Variants in AGBL4 observed in about 807,000 individuals in gnomAD.
AGBL4 encodes cytosolic carboxypeptidase 6.
Under a neutral mutation model 66.4 loss-of-function variants are expected in AGBL4, and 58 were observed. The ratio of observed to expected loss-of-function variants is 0.87; its 90% CI spans 0.71 to 1.09. The LOEUF (loss-of-function observed/expected upper bound fraction) is 1.09, where lower values mean the gene tolerates loss of function less well. Among genes scored for constraint, AGBL4 ranks in the 50% least tolerant of loss-of-function variants. The pLI is 0.00. For synonymous variants in AGBL4, 234 were observed against 222.9 expected (o/e 1.05, Z -0.44); for missense variants, 579 against 631.0 (o/e 0.92, Z 0.88).
chr1:49,261,762 C>G (rs1415434917), intron 3 of AGBL4, among the ~76,000 whole-genome samples: 1 of 147,676 alleles, frequency 6.8e-6, no homozygotes, highest in African/African-American at 2.5e-5. Context: ...TCAATGCCAT[C>G]CCCATCAAGC....
At chr1:49,243,185 T>C (rs1358395284) in intron 4 of AGBL4, among the ~76,000 whole-genome samples, 1 of 151,688 alleles carries the variant, frequency 6.6e-6, no homozygotes, top group Non-Finnish European at 1.5e-5. Flanking sequence ...AAGGAGGTAA[T>C]ACCCTAGACA....
intron 1 of AGBL4, among the ~76,000 whole-genome samples, chr1:49,861,310 T>C (rs1316926130): frequency 6.6e-6 from 1 of 152,060 alleles, no homozygotes; most frequent in African/African-American, 2.4e-5. Context: ...GCCAAGGAAG[T>C]GCTGGCATCA....
At chr1:49,270,330 T>C (rs1477944977) in intron 3 of AGBL4, among the ~76,000 whole-genome samples, 1 of 152,196 alleles carries the variant, frequency 6.6e-6, no homozygotes, top group Admixed American at 6.5e-5. Context: ...TCTCTCTTGG[T>C]TTCCACCATC....
chr1:49,626,197 C>T (rs1308019639), intron 3 of AGBL4, among the ~76,000 whole-genome samples: 1 of 152,106 alleles, frequency 6.6e-6, no homozygotes, highest in Non-Finnish European at 1.5e-5. Flanking sequence ...ATACCCCATT[C>T]TTTCAGTGTT....
intron 4 of AGBL4, among the ~76,000 whole-genome samples, chr1:49,127,028 A>G (rs1645779276): frequency 6.6e-6 from 1 of 152,212 alleles, no homozygotes; most frequent in Non-Finnish European, 1.5e-5. Context: ...ATAAAATAAC[A>G]GGAACCAGAT....
intron 5 of AGBL4, 56 bp downstream of exon 5, chr1:49,045,528 C>G (rs1644056277): frequency 1.3e-6 from 2 of 1,502,472 alleles, no homozygotes; most frequent in South Asian, 1.2e-5. Flanking sequence ...TGTTAAGTCC[C>G]TATCCCAAGT....
rs145172618 is a variant in AGBL4 at position 48,872,421 on chromosome 1, C to A, written c.595-5191G>T. On this transcript the variant is annotated intron_variant, in intron 5 of 13. Coordinates refer to ENST00000371839, the MANE Select transcript of AGBL4 (RefSeq NM_032785.4). Reference sequence around the variant, plus strand: ...TGATCTTACAACTGTGATTTTGTTTCTAATCTTTTTCTTTTCAGGGAAGGT... The same window carrying A: ...TGATCTTACAACTGTGATTTTGTTTATAATCTTTTTCTTTTCAGGGAAGGT... Among the ~76,000 whole-genome samples the A allele has an allele frequency of 4.8e-4, 73 of 152,146 alleles. 1 individual carries two copies. In the South Asian group the frequency reaches 9.8e-3, roughly 20 times the overall value.
At chr1:49,721,336 A>G (rs553185526) in intron 2 of AGBL4, among the ~76,000 whole-genome samples, 106 of 151,902 alleles carry the variant, frequency 7.0e-4, no homozygotes, top group African/African-American at 2.4e-3. Context: ...GCTGCTGCTC[A>G]CTCTTTGGGT....
At chr1:49,560,409 C>A (rs1333937459) in intron 3 of AGBL4, among the ~76,000 whole-genome samples, 2 of 151,830 alleles carry the variant, frequency 1.3e-5, no homozygotes, top group African/African-American at 2.4e-5. Context: ...TGAAGACAGG[C>A]TATTTAAAAT....
Position 49,836,650 on chromosome 1 carries a change from A to C in AGBL4, c.157+14746T>G, listed in dbSNP as rs184041954. 1.4e-3 allele frequency among the ~76,000 whole-genome samples: 207 copies of C among 152,286 alleles called. 1 individual carries two copies. Among genetic ancestry groups the C allele is most frequent in the African/African-American group, 4.8e-3 (201 of 41,554 alleles). On this transcript the variant is annotated intron_variant, in intron 2 of 13. Transcript: ENST00000371839. ...AGGAGTTATGATCCTTTGGAGGAGA[A>C]GAGGTGTTCTGGTTTTTGGAATTTT...
chr1:48,553,283 C>T (rs995366869), intron 11 of AGBL4, among the ~76,000 whole-genome samples: 4 of 152,154 alleles, frequency 2.6e-5, no homozygotes, highest in Non-Finnish European at 5.9e-5. Flanking sequence ...AGAGGGGGCT[C>T]TGCTTTTCTG....
At chr1:48,801,768 C>T (rs528812571) in intron 6 of AGBL4, among the ~76,000 whole-genome samples, 2 of 152,238 alleles carry the variant, frequency 1.3e-5, no homozygotes, top group East Asian at 1.9e-4. Flanking sequence ...CTCTTTTGGT[C>T]TTCTTTGCAT....
chr1:49,919,187 A>C (rs1033551387), intron 1 of AGBL4, among the ~76,000 whole-genome samples: 2 of 152,066 alleles, frequency 1.3e-5, no homozygotes, highest in African/African-American at 2.4e-5. Flanking sequence ...GACAGGGACG[A>C]CCTCTCTCAC....
At chr1:48,734,186 T>C (rs1312088903) in intron 6 of AGBL4, among the ~76,000 whole-genome samples, 2 of 152,156 alleles carry the variant, frequency 1.3e-5, no homozygotes, top group Non-Finnish European at 2.9e-5. Context: ...CCTAAATCAA[T>C]TAATCCGGAG....
chr1:49,967,136 A>T (rs1200287125), intron 1 of AGBL4, among the ~76,000 whole-genome samples: 1 of 152,134 alleles, frequency 6.6e-6, no homozygotes, highest in African/African-American at 2.4e-5. Flanking sequence ...GTGTAAAAGC[A>T]TTCCTATTTC....
intron 3 of AGBL4, among the ~76,000 whole-genome samples, chr1:49,480,711 C>T (rs1646938455): frequency 1.3e-5 from 2 of 151,674 alleles, no homozygotes; most frequent in Non-Finnish European, 1.5e-5. Context: ...AAATATTTGC[C>T]CCTGCTTACG....
chr1:48,791,657 A>G (rs1401367095), intron 6 of AGBL4, among the ~76,000 whole-genome samples: 1 of 152,246 alleles, frequency 6.6e-6, no homozygotes, highest in Non-Finnish European at 1.5e-5. Flanking sequence ...TCTACTGCCC[A>G]TTAGCTGTGC....
rs71059567 is a variant in AGBL4 at position 49,948,582 on chromosome 1, T to TAGAGAGAG, written c.34+75173_34+75180dup. ...ATATAAAAATATATATATATATATA[T>TAGAGAGAG]AGAGAGAGAGAGAGAGAGAGAGAGA... On this transcript the variant is annotated intron_variant, in intron 1 of 13. Coordinates refer to ENST00000371839, the MANE Select transcript of AGBL4 (RefSeq NM_032785.4). 9.5e-5 allele frequency among the ~76,000 whole-genome samples: 12 copies of TAGAGAGAG among 126,902 alleles called. 1 individual carries two copies. In the South Asian group the frequency reaches 2.3e-3, roughly 24 times the overall value. The allele number at this position is 126,902 out of a possible 152,430, so 83.3% of individuals were successfully genotyped here. A position where few individuals can be genotyped will look rare whatever the true frequency, so the allele number is the denominator to read the frequency against.
intron 1 of AGBL4, among the ~76,000 whole-genome samples, chr1:49,884,447 G>A (rs926072410): frequency 2.6e-5 from 4 of 151,634 alleles, no homozygotes; most frequent in Non-Finnish European, 5.9e-5. Context: ...AAGAATAAAA[G>A]ATTCAGTTCT....
Sources: allele counts gnomAD v4.1 joint callset (sites outside exome capture counted in the v4.1 genomes callset), GRCh38; gene constraint gnomAD v4.1.1; transcripts MANE v1.5; gene names NCBI Gene and HGNC (gene_info 2026-07-23, HGNC 2026-07-21).